HDAC8: variants seen among roughly 807,000 people sequenced by gnomAD.
HDAC8 encodes histone deacetylase-like 1.
HDAC8 carries 1 observed loss-of-function variant against 32.2 expected under a neutral mutation model. The ratio of observed to expected loss-of-function variants is 0.03; its 90% CI spans 0.01 to 0.15. The LOEUF (loss-of-function observed/expected upper bound fraction) is 0.15, where lower values mean the gene tolerates loss of function less well. HDAC8 is among the 10% of genes least tolerant of loss of function. The pLI, the probability that HDAC8 is intolerant of heterozygous loss-of-function variation, is 1.00. For missense variants in HDAC8, 117 were observed against 300.0 expected (o/e 0.39, Z 4.51); for synonymous variants, 108 against 113.9 (o/e 0.95, Z 0.33).
At chrX:72,372,811 A>G (rs1490300904) in intron 9 of HDAC8, among the ~76,000 whole-genome samples, 3 of 111,813 alleles carry the variant, frequency 2.7e-5, no homozygotes, top group Non-Finnish European at 3.8e-5. Flanking sequence ...TAATAATACT[A>G]TGTATTAAAT....
intron 10 of HDAC8, among the ~76,000 whole-genome samples, chrX:72,339,970 C>T (rs782556937): frequency 3.6e-5 from 4 of 112,038 alleles, no homozygotes; most frequent in Non-Finnish European, 5.6e-5. Flanking sequence ...TGCCTCTGAC[C>T]TGAATTAGAA....
intron 9 of HDAC8, among the ~76,000 whole-genome samples, chrX:72,410,112 G>A (rs1355530208): frequency 9.0e-6 from 1 of 110,850 alleles, no homozygotes; most frequent in Middle Eastern, 4.2e-3. Flanking sequence ...GATTGAAGGT[G>A]TGAGCTAGGT....
intron 7 of HDAC8, chrX:72,466,773 T>C (rs1163474229): frequency 8.9e-6 from 1 of 112,222 alleles, no homozygotes; most frequent in Non-Finnish European, 1.9e-5. Context: ...TGAATGTTCG[T>C]AGCAGCTCAA....
At chrX:72,489,137 A>G (rs2048774361) in intron 6 of HDAC8, 96 bp from the exon 7 acceptor site, 4 of 519,010 alleles carry the variant, frequency 7.7e-6, no homozygotes, top group Non-Finnish European at 1.3e-5. Flanking sequence ...AGGGAAAGAA[A>G]TTAAGAAAAA....
At chrX:72,355,152 C>A (rs1367283184) in intron 9 of HDAC8, among the ~76,000 whole-genome samples, 1 of 112,299 alleles carries the variant, frequency 8.9e-6, no homozygotes, top group Non-Finnish European at 1.9e-5. Context: ...GTTTTCTGCC[C>A]TATGGTCCTG....
intron 9 of HDAC8, among the ~76,000 whole-genome samples, chrX:72,442,339 G>A (rs782359737): frequency 0.012 from 1,392 of 111,505 alleles, 8 homozygotes; most frequent in Non-Finnish European, 0.017. Context: ...CGGATCTCTC[G>A]GCAGAAACTC....
intron 9 of HDAC8, among the ~76,000 whole-genome samples, chrX:72,357,292 G>T (rs1277341126): frequency 2.8e-5 from 3 of 108,324 alleles, no homozygotes; most frequent in Non-Finnish European, 5.7e-5. Flanking sequence ...TGATGACAGA[G>T]TGGTCTCTTA....
intron 4 of HDAC8, among the ~76,000 whole-genome samples, chrX:72,540,457 ACG>A (rs1456534848): frequency 8.9e-6 from 1 of 111,830 alleles, no homozygotes; most frequent in Non-Finnish European, 1.9e-5. Flanking sequence ...AACGAGAATG[ACG>A]TTAATAGAAT....
At position 72,329,951 on chromosome X, in the gene HDAC8, A is replaced by T. The variant is rs1433178419; in HGVS notation, c.*103T>A. 5.4e-6 allele frequency: 5 copies of T among 927,695 alleles called. No individual in the cohort carries two copies. In the African/African-American group the frequency reaches 9.9e-5, roughly 18 times the overall value. 76.5% of individuals were successfully genotyped at this position (927,695 alleles called of 1,213,427 possible). On this transcript the variant is annotated 3_prime_UTR_variant, in exon 11 of 11. Transcript: ENST00000373573. ...ATTTTCAGGAAGTAATTTCTTTCAA[A>T]TTTTCCCTGCAGTCACAAATTCCAC...
chrX:72,464,494 T>G (rs1555993062), intron 8 of HDAC8, 65 bp downstream of exon 8: 1 of 972,249 alleles, frequency 1.0e-6, no homozygotes. Context: ...TTTTCCAAGT[T>G]CAGTGCCAAT....
At chrX:72,400,412 C>T (rs2045872663) in intron 9 of HDAC8, among the ~76,000 whole-genome samples, 4 of 111,796 alleles carry the variant, frequency 3.6e-5, no homozygotes. Flanking sequence ...TCTGAAACTG[C>T]ACCTCCCACA....
chrX:72,554,723 C>CCAA (rs1469862081), intron 4 of HDAC8, among the ~76,000 whole-genome samples: 2 of 111,564 alleles, frequency 1.8e-5, no homozygotes, highest in Non-Finnish European at 3.8e-5. Context: ...ACAGCAGGCC[C>CCAA]CACCCAAGGA....
intron 9 of HDAC8, among the ~76,000 whole-genome samples, chrX:72,400,370 A>G (rs1357550963): frequency 9.0e-6 from 1 of 111,715 alleles, no homozygotes; most frequent in Non-Finnish European, 1.9e-5. Flanking sequence ...TGACATTTCC[A>G]ACTCAACATG....
At chrX:72,492,784 T>C (rs2048910296) in intron 5 of HDAC8, among the ~76,000 whole-genome samples, 1 of 111,657 alleles carries the variant, frequency 9.0e-6, no homozygotes, top group Non-Finnish European at 1.9e-5. Flanking sequence ...CCGATACTAA[T>C]AGTTTGAATT....
In HDAC8 at chrX:72,497,427, C is replaced by T. The variant is rs188485571; in HGVS notation, c.438-2159G>A. On this transcript the variant is annotated intron_variant, in intron 4 of 10. Coordinates refer to ENST00000373573, the MANE Select transcript of HDAC8 (RefSeq NM_018486.3). Reference sequence around the variant, plus strand: ...TTTTCAATATGCTAAAAAAAGTATTCCTATAAAAACAAACTCAAATACTTT... The same window carrying T: ...TTTTCAATATGCTAAAAAAAGTATTTCTATAAAAACAAACTCAAATACTTT... 2.2e-3 allele frequency among the ~76,000 whole-genome samples: 243 copies of T among 111,588 alleles called. 1 individual carries two copies. The highest frequency in any genetic ancestry group is 7.5e-3 in the African/African-American group (232 of 30,814).
intron 9 of HDAC8, among the ~76,000 whole-genome samples, chrX:72,357,713 C>G (rs1434574379): frequency 1.8e-5 from 2 of 110,608 alleles, no homozygotes; most frequent in Non-Finnish European, 3.8e-5. Context: ...GATTCTAAGA[C>G]TCCCAGCGGA....
At chrX:72,440,665 G>T (rs939730087) in intron 9 of HDAC8, among the ~76,000 whole-genome samples, 1 of 112,082 alleles carries the variant, frequency 8.9e-6, no homozygotes, top group Admixed American at 9.4e-5. Flanking sequence ...TCACTAGGGA[G>T]TGCCAGACAG....
chrX:72,567,014 G>A lies in HDAC8; in HGVS notation c.437+875C>T, dbSNP rs1008091893. Among the ~76,000 whole-genome samples the A allele has an allele frequency of 5.4e-5, 6 of 111,791 alleles. No homozygotes were observed. The East Asian group carries it at 1.4e-3, about 26-fold the overall frequency. ...ACAAAAATTAGCTGGGCATGATGGC[G>A]GGTGCCTGTAATTCCAGCTACTCAG... On this transcript the variant is annotated intron_variant, in intron 4 of 10. Coordinates refer to ENST00000373573, the MANE Select transcript of HDAC8 (RefSeq NM_018486.3).
intron 9 of HDAC8, among the ~76,000 whole-genome samples, chrX:72,379,490 G>GTTTTT (rs1191306787): frequency 3.3e-4 from 13 of 38,886 alleles, no homozygotes; most frequent in Non-Finnish European, 4.8e-4. Flanking sequence ...TTTGTTTAGT[G>GTTTTT]TTTTTTTTTT....
Sources: allele counts gnomAD v4.1 joint callset (sites outside exome capture counted in the v4.1 genomes callset), GRCh38; gene constraint gnomAD v4.1.1; transcripts MANE v1.5; gene names NCBI Gene and HGNC (gene_info 2026-07-23, HGNC 2026-07-21).